The following PALM2AKAP2 variants were observed in gnomAD, a reference collection of about 807,000 sequenced individuals.
PALM2AKAP2 encodes PALM2-AKAP2 fusion protein.
In PALM2AKAP2, 37 loss-of-function variants were observed where a neutral mutation model predicts 71.5. That is an observed-to-expected ratio of 0.52 (90% CI 0.40 to 0.68). PALM2AKAP2 has a LOEUF of 0.68. PALM2AKAP2 is among the 30% of genes least tolerant of loss of function. The pLI, the probability that PALM2AKAP2 is intolerant of heterozygous loss-of-function variation, is 0.00. For missense variants in PALM2AKAP2, 1,224 were observed against 1,191.8 expected (o/e 1.03, Z -0.40); for synonymous variants, 468 against 478.8 (o/e 0.98, Z 0.29).
At chr9:109,862,750 T>C (rs1419561977) in intron 1 of PALM2AKAP2, among the ~76,000 whole-genome samples, 2 of 152,234 alleles carry the variant, frequency 1.3e-5, no homozygotes, top group African/African-American at 2.4e-5. Context: ...CAGATCAAAA[T>C]TGACAGATGT....
chr9:110,113,617 G>A (rs1444759957), intron 1 of PALM2AKAP2, among the ~76,000 whole-genome samples: 1 of 151,774 alleles, frequency 6.6e-6, no homozygotes, highest in Non-Finnish European at 1.5e-5. Context: ...TCTGCCTCCC[G>A]GATTCAAGCA....
chr9:109,861,032 A>T (rs1829292198), intron 1 of PALM2AKAP2, among the ~76,000 whole-genome samples: 1 of 152,220 alleles, frequency 6.6e-6, no homozygotes, highest in South Asian at 2.1e-4. Flanking sequence ...TGATCTCATG[A>T]TGGCAAGAGG....
chr9:110,170,715 T>C (rs1217142487), exon 4 of PALM2AKAP2: 1 of 152,174 alleles, frequency 6.6e-6, no homozygotes, highest in African/African-American at 2.4e-5. Context: ...GAGGTTGGCA[T>C]GGAGACTAAA....
In PALM2AKAP2 at chr9:110,094,831, AAG is replaced by A. The variant is rs138082895; in HGVS notation, c.157-41293_157-41292del. On this transcript the variant is annotated intron_variant, in intron 1 of 3. Coordinates refer to ENST00000374525, the Ensembl canonical transcript of PALM2AKAP2. ...CTTTGTCTTCTCACTCTTCTGCAAA[AAG>A]AGCTTTGGGGTTTACTGTAGCAAAT... Among the ~76,000 whole-genome samples, 939 of 152,326 alleles carry A rather than the reference AAG, an allele frequency of 6.2e-3. 10 individuals are homozygous for A. The highest frequency in any genetic ancestry group is 0.022 in the African/African-American group (898 of 41,562).
intron 3 of PALM2AKAP2, among the ~76,000 whole-genome samples, chr9:110,159,332 A>G (rs567146297): frequency 6.6e-6 from 1 of 152,060 alleles, no homozygotes; most frequent in Non-Finnish European, 1.5e-5. Context: ...GCATCTCCCC[A>G]TGTTATGCAG....
At chr9:109,738,885 TG>T (rs5899865) in intron 1 of PALM2AKAP2, among the ~76,000 whole-genome samples, 22,287 of 152,224 alleles carry the variant, frequency 0.15, 2,030 homozygotes, top group Non-Finnish European at 0.21. Context: ...GTACTGCAAA[TG>T]GTGGAACACC....
chr9:109,746,495 A>G (rs749050588), intron 1 of PALM2AKAP2, among the ~76,000 whole-genome samples: 11 of 152,204 alleles, frequency 7.2e-5, no homozygotes, highest in Admixed American at 6.5e-5. Context: ...ATATTTTATT[A>G]TTTAATTTGA....
intron 1 of PALM2AKAP2, among the ~76,000 whole-genome samples, chr9:109,710,209 A>G (rs1828211537): frequency 6.6e-6 from 1 of 152,214 alleles, no homozygotes; most frequent in Non-Finnish European, 1.5e-5. Context: ...GAACTGTGAG[A>G]GGATAAATTT....
At chr9:110,098,755 A>G (rs1481895002) in intron 1 of PALM2AKAP2, among the ~76,000 whole-genome samples, 1 of 152,226 alleles carries the variant, frequency 6.6e-6, no homozygotes, top group Middle Eastern at 3.2e-3. Context: ...TAACTTAAGA[A>G]AGAATCGTGA....
intron 1 of PALM2AKAP2, among the ~76,000 whole-genome samples, chr9:109,751,551 A>G (rs1828886200): frequency 6.6e-6 from 1 of 151,684 alleles, no homozygotes. Context: ...TGTACACATA[A>G]TAGTAAATCG....
chr9:109,763,369 A>G (rs1248598642), intron 1 of PALM2AKAP2, among the ~76,000 whole-genome samples: 3 of 152,110 alleles, frequency 2.0e-5, no homozygotes, highest in Non-Finnish European at 4.4e-5. Flanking sequence ...GTCGGTAGGT[A>G]AGACCCTGCC....
chr9:110,134,597 T>A (rs963183166), intron 1 of PALM2AKAP2, among the ~76,000 whole-genome samples: 1 of 152,188 alleles, frequency 6.6e-6, no homozygotes, highest in African/African-American at 2.4e-5. Flanking sequence ...CTGACAGCAG[T>A]GTAGAGCACT....
intron 1 of PALM2AKAP2, among the ~76,000 whole-genome samples, chr9:109,741,987 A>T (rs949047751): frequency 3.3e-5 from 5 of 152,154 alleles, no homozygotes; most frequent in African/African-American, 1.2e-4. Flanking sequence ...TGCATATTAG[A>T]TGTTTATTGC....
intron 3 of PALM2AKAP2, among the ~76,000 whole-genome samples, chr9:109,920,007 C>A (rs1262028269): frequency 6.6e-6 from 1 of 152,140 alleles, no homozygotes; most frequent in African/African-American, 2.4e-5. Flanking sequence ...GGCCAGGGCA[C>A]ACTGTGCCTA....
chr9:109,717,546 C>T (rs1225263983), intron 1 of PALM2AKAP2, among the ~76,000 whole-genome samples: 3 of 152,172 alleles, frequency 2.0e-5, no homozygotes, highest in Non-Finnish European at 4.4e-5. Flanking sequence ...CAGGAAAGTA[C>T]AGGCCAAAGA....
chr9:109,780,289 G>A, upstream of PALM2AKAP2: 12 of 1,230,636 alleles, frequency 9.8e-6, no homozygotes, highest in Non-Finnish European at 1.2e-5. Flanking sequence ...CGGCCGGGAG[G>A]GCGGGGGCCA....
At chr9:110,137,977 A>G in exon 2 of PALM2AKAP2, 1 of 1,614,082 alleles carries the variant, frequency 6.2e-7, no homozygotes, top group Non-Finnish European at 8.5e-7. Context: ...CCATTCAACA[A>G]GCCATAGCCG....
chr9:109,898,506 A>T lies in PALM2AKAP2; in HGVS notation c.257+17825A>T, dbSNP rs1036959382. The stretch of plus-strand genomic sequence containing the variant: ...TAAACAGTCTTGCCTGGACTGGTTC[A>T]TGTTCAATTCATAGGCACTGAGTAT... On this transcript the variant is annotated intron_variant, in intron 3 of 9. Coordinates refer to the PALM2AKAP2 transcript ENST00000302798. Among the ~76,000 whole-genome samples, 4 of 152,236 alleles carry T rather than the reference A, an allele frequency of 2.6e-5. No homozygotes were observed. In the East Asian group the frequency reaches 5.8e-4, roughly 22 times the overall value.
At chr9:109,947,595 A>G (rs961825859) in intron 6 of PALM2AKAP2, among the ~76,000 whole-genome samples, 4 of 152,224 alleles carry the variant, frequency 2.6e-5, no homozygotes, top group African/African-American at 9.6e-5. Context: ...CCCTGCCAAT[A>G]TAAAACGCAG....
Sources: gnomAD v4.1 joint callset for allele counts (sites outside exome capture counted in the v4.1 genomes callset) on GRCh38, gnomAD v4.1.1 for gene constraint, MANE v1.5 for transcripts, NCBI Gene and HGNC (gene_info 2026-07-23, HGNC 2026-07-21) for gene names.